The following GPR33 variants were observed in gnomAD, a reference collection of about 807,000 sequenced individuals.
The protein encoded by GPR33 is probable G protein-coupled receptor 33.
Under a neutral mutation model 3.1 loss-of-function variants are expected in GPR33, and 4 were observed. The observed-to-expected ratio is 1.29, with a 90% CI of 0.64 to 2.96. The LOEUF is 2.96. GPR33 is among the 30% of genes most tolerant of loss of function. The probability of loss-of-function intolerance (pLI) is 0.01; values close to 1 mark genes in which losing one functional copy is unlikely to be tolerated. For synonymous variants in GPR33, 138 were observed against 142.0 expected (o/e 0.97, Z 0.20); for missense variants, 390 against 388.9 (o/e 1.00, Z -0.02).
intron 1 of GPR33, among the ~76,000 whole-genome samples, chr14:31,487,534 G>T (rs1277479706): frequency 1.4e-5 from 2 of 145,074 alleles, no homozygotes; most frequent in African/African-American, 5.1e-5. Context: ...CCGCCTCCTG[G>T]GTTCAAGTGA....
intron 1 of GPR33, among the ~76,000 whole-genome samples, chr14:31,484,367 A>C (rs1419811153): frequency 6.6e-6 from 1 of 151,882 alleles, no homozygotes; most frequent in Non-Finnish European, 1.5e-5. Context: ...CTCAGCCTCA[A>C]CCTCCTGGGC....
chr14:31,483,548 G>A lies in GPR33; in HGVS notation c.418C>T (p.Arg140Ter), dbSNP rs17097921. 1,527,201 of 1,536,160 alleles carry A rather than the reference G, an allele frequency of 0.99. 759,337 individuals carry two copies. The highest frequency in any genetic ancestry group is 1 in the Non-Finnish European group (1,145,691 of 1,146,930). The change falls in exon 2 of 2, where the codon CGA becomes TGA. Residue 140 changes from arginine to a stop codon, truncating the protein, a stop_gained. Coordinates refer to ENST00000399285, the MANE Select transcript of GPR33 (RefSeq NM_001197184.3). LOFTEE classifies it high-confidence loss of function. The stretch of plus-strand genomic sequence containing the variant: ...ATGCTGGAAGCCCAGCGCGGGGTTC[G>A]GTGCTGCTGGGACCACACTGGGTGA... ...TLHPVWSQQH[R>*]TPRWASSIVL...
chr14:31,486,016 A>T (rs903131441), intron 1 of GPR33, among the ~76,000 whole-genome samples: 2 of 152,272 alleles, frequency 1.3e-5, no homozygotes, highest in African/African-American at 4.8e-5. Context: ...AGCAATGGAA[A>T]TTACTAATGA....
At chr14:31,484,912 G>A (rs2032401306) in intron 1 of GPR33, among the ~76,000 whole-genome samples, 1 of 151,948 alleles carries the variant, frequency 6.6e-6, no homozygotes, top group Non-Finnish European at 1.5e-5. Flanking sequence ...ATCAACAAAA[G>A]AGGGAAGTGT....
chr14:31,486,067 T>C (rs2032416760), intron 1 of GPR33, among the ~76,000 whole-genome samples: 1 of 152,354 alleles, frequency 6.6e-6, no homozygotes, highest in South Asian at 2.1e-4. Context: ...TAAGAATATA[T>C]ACAGAGAAGT....
chr14:31,487,240 T>C (rs1437038820), intron 1 of GPR33, among the ~76,000 whole-genome samples: 1 of 152,162 alleles, frequency 6.6e-6, no homozygotes, highest in Non-Finnish European at 1.5e-5. Context: ...TCTGATTTAT[T>C]GCACATAACC....
chr14:31,484,117 A>G, intron 1 of GPR33, 146 bp from the exon 2 acceptor site: 1 of 625,240 alleles, frequency 1.6e-6, no homozygotes, highest in Non-Finnish European at 2.7e-6. Flanking sequence ...ATATTTCTGC[A>G]AATCAAATAT....
rs778519586 is a variant in GPR33 at position 31,483,693 on chromosome 14, G to T, written c.273C>A (p.Asp91Glu). ...LPFMATSQLQ[D>E]NHWNFGTALC... ...AGGCAGTTCCAAAGTTCCAGTGATTGTCTTGAAGTTGGGAGGTGGCCATAA... is the reference window on the plus strand; with the variant it reads ...AGGCAGTTCCAAAGTTCCAGTGATTTTCTTGAAGTTGGGAGGTGGCCATAA... The change falls in exon 2 of 2, where the codon GAC (aspartate) becomes GAA (glutamate). Residue 91 changes from aspartate to glutamate, a missense_variant. Transcript: ENST00000399285. 43 of 1,536,004 alleles carry T rather than the reference G, an allele frequency of 2.8e-5. No individual in the cohort carries two copies. The highest frequency in any genetic ancestry group is 3.7e-5 in the Non-Finnish European group (42 of 1,146,928).
chr14:31,483,480 G>C lies in GPR33; in HGVS notation c.486C>G (p.Pro162=). 1 of 1,536,160 alleles carries C rather than the reference G, an allele frequency of 6.5e-7. No homozygotes were observed. Among genetic ancestry groups the C allele is most frequent in the Non-Finnish European group, 8.7e-7 (1 of 1,146,910 alleles). ...VWISAAALSI[P]YLIFRETHHD... ...GATGTGTCTCTCTGAAAATCAAATA[G>C]GGGATGCTGAGGGCAGCGGCTGAAA... The change falls in exon 2 of 2, where the codon CCC becomes CCG. Residue 162 remains proline (P), a synonymous_variant. Coordinates refer to ENST00000399285, the MANE Select transcript of GPR33 (RefSeq NM_001197184.3).
At chr14:31,484,939 ATTT>A (rs543168980) in intron 1 of GPR33, among the ~76,000 whole-genome samples, 1 of 145,184 alleles carries the variant, frequency 6.9e-6, no homozygotes. Flanking sequence ...AGATGTAGTA[ATTT>A]TTTTTTTTTT....
At chr14:31,484,257 A>G (rs191547301) in intron 1 of GPR33, among the ~76,000 whole-genome samples, 103 of 152,262 alleles carry the variant, frequency 6.8e-4, no homozygotes, top group African/African-American at 2.2e-3. Flanking sequence ...CATTTTGACA[A>G]TTGTTCAATA....
chr14:31,486,619 A>G (rs925244752), intron 1 of GPR33, among the ~76,000 whole-genome samples: 1 of 152,204 alleles, frequency 6.6e-6, no homozygotes, highest in African/African-American at 2.4e-5. Context: ...CTGGGACCTT[A>G]AGAAGAGGGT....
At chr14:31,487,210 A>T (rs1273285932) in intron 1 of GPR33, among the ~76,000 whole-genome samples, 1 of 152,148 alleles carries the variant, frequency 6.6e-6, no homozygotes, top group African/African-American at 2.4e-5. Context: ...TCTGAATATC[A>T]TATAAAGTTT....
intron 1 of GPR33, 65 bp from the exon 2 acceptor site, chr14:31,484,036 A>C (rs2032392577): frequency 2.3e-6 from 3 of 1,317,480 alleles, no homozygotes; most frequent in Non-Finnish European, 3.0e-6. Flanking sequence ...AAATGTAAAA[A>C]TTTAAAGAGT....
intron 1 of GPR33, among the ~76,000 whole-genome samples, chr14:31,485,579 A>G (rs2139380116): frequency 1.3e-5 from 2 of 150,806 alleles, no homozygotes; most frequent in East Asian, 4.0e-4. Context: ...GGTTGCAGTG[A>G]GCCGAACCGA....
intron 1 of GPR33, among the ~76,000 whole-genome samples, chr14:31,485,174 A>G (rs2032405718): frequency 6.6e-6 from 1 of 151,522 alleles, no homozygotes. Context: ...GACTTCAGGT[A>G]ATCCATCCAC....
chr14:31,483,827 T>C lies in GPR33; in HGVS notation c.139A>G (p.Asn47Asp). The C allele has an allele frequency of 1.3e-6, 2 of 1,536,102 alleles. No individual in the cohort carries two copies. The highest frequency in any genetic ancestry group is 8.7e-7 in the Non-Finnish European group (1 of 1,146,886). The change falls in exon 2 of 2, where the codon AAT becomes GAT. Residue 47 changes from asparagine (N) to aspartate (D), a missense_variant. By Grantham distance (23) the Asn-to-Asp change is conservative. Coordinates refer to ENST00000399285, the MANE Select transcript of GPR33 (RefSeq NM_001197184.3). Reference protein sequence around the residue: ...YISSIIGTITNGLYLWVLRFK... With the variant: ...YISSIIGTITDGLYLWVLRFK... ...CTTAGCACCCATAGATAGAGGCCAT[T>C]GGTGATGGTACCAATTATAGATGAA...
intron 1 of GPR33, among the ~76,000 whole-genome samples, chr14:31,485,096 C>T (rs952668674): frequency 2.0e-5 from 3 of 151,780 alleles, no homozygotes; most frequent in African/African-American, 4.8e-5. Flanking sequence ...CCACCACGCC[C>T]GGTGAATTTT....
chr14:31,486,075 AGTAAGAT>A (rs2032416899), intron 1 of GPR33, among the ~76,000 whole-genome samples: 1 of 152,316 alleles, frequency 6.6e-6, no homozygotes, highest in African/African-American at 2.4e-5. Flanking sequence ...TATACAGAGA[AGTAAGAT>A]AATTGCTATT....
Sources: allele counts gnomAD v4.1 joint callset (sites outside exome capture counted in the v4.1 genomes callset), GRCh38; gene constraint gnomAD v4.1.1; transcripts MANE v1.5; gene names NCBI Gene and HGNC (gene_info 2026-07-23, HGNC 2026-07-21).